RPS6KA1: variants seen among roughly 807,000 people sequenced by gnomAD.
RPS6KA1 encodes the protein ribosomal protein S6 kinase A1, also known as ribosomal protein S6 kinase alpha-1.
Under a neutral mutation model 91.3 loss-of-function variants are expected in RPS6KA1, and 48 were observed. The observed-to-expected ratio is 0.53, with a 90% confidence interval of 0.42 to 0.67. The LOEUF (loss-of-function observed/expected upper bound fraction) is 0.67, where lower values mean the gene tolerates loss of function less well. Ranked by LOEUF, RPS6KA1 falls within the 30% of genes least tolerant of loss-of-function variation. RPS6KA1 has a pLI of 0.00. For missense variants in RPS6KA1, 719 were observed against 960.5 expected, an observed-to-expected ratio of 0.75 and a Z score of 3.32; for synonymous variants, 359 against 384.7, an observed-to-expected ratio of 0.93 and a Z score of 0.78.
rs754520084 is a variant in RPS6KA1 at position 26,571,633 on chromosome 1, C to T, written c.1752+23C>T. On this transcript the variant is annotated intron_variant, in intron 18 of 21. Coordinates refer to ENST00000374168, the MANE Select transcript of RPS6KA1 (RefSeq NM_002953.4). The surrounding 1 kb of genome is among the most constrained non-coding windows in gnomAD (Gnocchi z 5.1). ...GAGGTGAGTGGCCCAGCCTCCTCAG[C>T]TGTAAGAGTGAGGGGGAATTGGAGG... 8 of 1,611,208 alleles carry T rather than the reference C, an allele frequency of 5.0e-6. No individual in the cohort carries two copies. In the African/African-American group the frequency reaches 9.4e-5, roughly 19 times the overall value.
intron 2 of RPS6KA1, among the ~76,000 whole-genome samples, chr1:26,537,297 C>T (rs4462199): frequency 0.032 from 4,812 of 152,286 alleles, 237 homozygotes; most frequent in African/African-American, 0.11. Flanking sequence ...GGGAGGGGCT[C>T]AGGCCAGCTG....
chr1:26,536,105 G>A (rs972142073), intron 1 of RPS6KA1, among the ~76,000 whole-genome samples: 1 of 143,668 alleles, frequency 7.0e-6, no homozygotes. Context: ...AGTGAGCTGC[G>A]ATTGCACTAC....
intron 1 of RPS6KA1, among the ~76,000 whole-genome samples, chr1:26,532,507 A>G (rs2075874974): frequency 1.3e-5 from 2 of 152,190 alleles, no homozygotes; most frequent in Admixed American, 6.5e-5. Flanking sequence ...AGGTGCTCCA[A>G]GAGAGGCTCC....
In RPS6KA1 at chr1:26,547,909, C is replaced by T. The variant is rs565614405; in HGVS notation, c.307+639C>T. Among the ~76,000 whole-genome samples, 3 of 152,254 alleles carry T rather than the reference C, an allele frequency of 2.0e-5. No individual in the cohort carries two copies. The East Asian group carries it at 5.8e-4, about 29-fold the overall frequency. On this transcript the variant is annotated intron_variant, in intron 4 of 21. Coordinates refer to ENST00000374168, the MANE Select transcript of RPS6KA1 (RefSeq NM_002953.4). This position sits in a 1 kb window ranked among gnomAD's most constrained non-coding sequence, Gnocchi z 4.1. ...TCAAGGCCGGGCGCGGTGGCTCACACCTGTAATCCCAGCACTTTGGGAGGC... is the reference window on the plus strand; with the variant it reads ...TCAAGGCCGGGCGCGGTGGCTCACATCTGTAATCCCAGCACTTTGGGAGGC...
intron 17 of RPS6KA1, among the ~76,000 whole-genome samples, chr1:26,567,999 C>T (rs1002756310): frequency 1.3e-5 from 2 of 152,190 alleles, no homozygotes; most frequent in Non-Finnish European, 2.9e-5. Context: ...CTGGAGGTCA[C>T]GGCCTATTGC....
intron 4 of RPS6KA1, among the ~76,000 whole-genome samples, chr1:26,549,581 T>C (rs2124633124): frequency 6.7e-6 from 1 of 149,202 alleles, no homozygotes; most frequent in African/African-American, 2.5e-5. Flanking sequence ...TAAAAAAAAG[T>C]CAAAGGACAC....
At chr1:26,530,278 A>C (rs1332011973) in intron 1 of RPS6KA1, among the ~76,000 whole-genome samples, 3 of 152,206 alleles carry the variant, frequency 2.0e-5, no homozygotes, top group Non-Finnish European at 4.4e-5. Flanking sequence ...GCATCTGTCC[A>C]GAGCTGTCGG....
intron 21 of RPS6KA1, 135 bp downstream of exon 21, chr1:26,573,496 G>T: frequency 9.6e-7 from 1 of 1,041,894 alleles, no homozygotes. Flanking sequence ...AGAAGACACA[G>T]CCCTGCCGTC....
At position 26,555,613 on chromosome 1, in the gene RPS6KA1, G is replaced by C. The variant is rs1022117679; in HGVS notation, c.904G>C (p.Ala302Pro). The change falls in exon 11 of 22, where the codon GCC (alanine) becomes CCC (proline). Residue 302 changes from alanine (A) to proline (P), a missense_variant. Coordinates refer to ENST00000374168, the MANE Select transcript of RPS6KA1 (RefSeq NM_002953.4). This position sits in a 1 kb window ranked among gnomAD's most constrained non-coding sequence, Gnocchi z 4.3. ...GCGGGCCCTGTTCAAGCGGAATCCT[G>C]CCAACCGGCTCGGTAAGCAGCCCCA... ...LLRALFKRNP[A>P]NRLGSGPDGA... is the part of the protein sequence containing the mutation. 1.3e-6 allele frequency: 2 copies of C among 1,597,308 alleles called. No individual in the cohort carries two copies. The highest frequency in any genetic ancestry group is 2.7e-5 in the African/African-American group (2 of 74,638).
chr1:26,549,467 G>A (rs891796344), intron 4 of RPS6KA1, among the ~76,000 whole-genome samples: 4 of 151,852 alleles, frequency 2.6e-5, no homozygotes, highest in African/African-American at 7.3e-5. Context: ...TACTCAGGAG[G>A]CTGAGGCACT....
chr1:26,533,735 A>G lies in RPS6KA1; in HGVS notation c.64-3190A>G, dbSNP rs550012433. Reference sequence around the variant, plus strand: ...TAAATAAAAATAAAAATAAAAAGTGATATGACAGACCCAAGGGCAGAATAA... The same window carrying G: ...TAAATAAAAATAAAAATAAAAAGTGGTATGACAGACCCAAGGGCAGAATAA... On this transcript the variant is annotated intron_variant, in intron 1 of 21. Coordinates refer to ENST00000374168, the MANE Select transcript of RPS6KA1 (RefSeq NM_002953.4). Among the ~76,000 whole-genome samples the G allele has an allele frequency of 7.9e-5, 12 of 152,290 alleles. No individual in the cohort carries two copies. The East Asian group carries it at 2.3e-3, about 30-fold the overall frequency.
chr1:26,539,359 A>T (rs1375647032), intron 2 of RPS6KA1, among the ~76,000 whole-genome samples: 1 of 152,158 alleles, frequency 6.6e-6, no homozygotes. Context: ...TTTGGCTGGG[A>T]CTCAAAAGGC....
chr1:26,564,118 G>A (rs192511364), intron 17 of RPS6KA1, among the ~76,000 whole-genome samples: 1 of 151,904 alleles, frequency 6.6e-6, no homozygotes, highest in African/African-American at 2.4e-5. Context: ...GCAAAACCCT[G>A]TCTCAAATAA....
intron 17 of RPS6KA1, among the ~76,000 whole-genome samples, chr1:26,568,637 C>G (rs979849290): frequency 1.3e-5 from 2 of 152,142 alleles, no homozygotes; most frequent in African/African-American, 2.4e-5. Context: ...GTAATACCAG[C>G]TCCTTGGGAG....
intron 2 of RPS6KA1, among the ~76,000 whole-genome samples, chr1:26,541,486 C>T (rs371459551): frequency 2.0e-5 from 3 of 150,418 alleles, no homozygotes; most frequent in Admixed American, 1.3e-4. Context: ...GCCCAGGAGA[C>T]GGAGGTTGCA....
intron 4 of RPS6KA1, among the ~76,000 whole-genome samples, chr1:26,549,233 G>A (rs1570435159): frequency 6.6e-6 from 1 of 151,544 alleles, no homozygotes; most frequent in African/African-American, 2.4e-5. Flanking sequence ...CAGACATTTT[G>A]TCTGGTCTTA....
At chr1:26,535,667 G>C (rs1282019645) in intron 1 of RPS6KA1, among the ~76,000 whole-genome samples, 2 of 152,130 alleles carry the variant, frequency 1.3e-5, no homozygotes, top group African/African-American at 4.8e-5. Context: ...ACCAGAGGGG[G>C]GCTCTGGGCT....
At position 26,551,062 on chromosome 1, in the gene RPS6KA1, A is replaced by G. The variant is rs2076045483; in HGVS notation, c.308-335A>G. Among the ~76,000 whole-genome samples, 1 of 152,140 alleles carries G rather than the reference A, an allele frequency of 6.6e-6. No individual in the cohort carries two copies. Among genetic ancestry groups the G allele is most frequent in the African/African-American group, 2.4e-5 (1 of 41,446 alleles). ...GAGGCAAAGTCTGAGGATCTGACAAAGCAGAGAACCCTGGGGGAGCAGGTT... is the reference window on the plus strand; with the variant it reads ...GAGGCAAAGTCTGAGGATCTGACAAGGCAGAGAACCCTGGGGGAGCAGGTT... On this transcript the variant is annotated intron_variant, in intron 4 of 21. Transcript: ENST00000374168. The surrounding 1 kb of genome is among the most constrained non-coding windows in gnomAD (Gnocchi z 4.5).
chr1:26,535,374 C>G (rs2075898672), intron 1 of RPS6KA1, among the ~76,000 whole-genome samples: 1 of 151,984 alleles, frequency 6.6e-6, no homozygotes, highest in Non-Finnish European at 1.5e-5. Flanking sequence ...TGTAGCCAAG[C>G]AGGGCTACAG....
Sources: gnomAD v4.1 joint callset for allele counts (sites outside exome capture counted in the v4.1 genomes callset) on GRCh38, gnomAD v4.1.1 for gene constraint, Gnocchi (gnomAD v3.1) non-coding constraint, MANE v1.5 for transcripts, NCBI Gene and HGNC (gene_info 2026-07-23, HGNC 2026-07-21) for gene names.